SLC38A11: variants seen among roughly 807,000 people sequenced by gnomAD.
SLC38A11 encodes putative sodium-coupled neutral amino acid transporter 11.
In SLC38A11, 51 loss-of-function variants were observed where a neutral mutation model predicts 49.4. The ratio of observed to expected loss-of-function variants is 1.03; its 90% CI spans 0.83 to 1.30. The LOEUF is 1.30. SLC38A11 is among the 50% of genes most tolerant of loss of function. The pLI, the probability that SLC38A11 is intolerant of heterozygous loss-of-function variation, is 0.00. For missense variants in SLC38A11, 574 were observed against 556.2 expected (o/e 1.03, Z -0.32); for synonymous variants, 203 against 192.9 (o/e 1.05, Z -0.43).
At chr2:164,937,978 C>T (rs1409666081) in intron 6 of SLC38A11, among the ~76,000 whole-genome samples, 1 of 151,836 alleles carries the variant, frequency 6.6e-6, no homozygotes, top group Non-Finnish European at 1.5e-5. Context: ...GTTCCTAGGC[C>T]TGTTTTGCTT....
rs1188704221 is a variant in SLC38A11 at position 164,955,232 on chromosome 2, G to A, written c.16C>T (p.Gln6Ter). The part of the protein sequence containing the change: MGYQR[Q>*]EPVIPPQRDL... The stretch of plus-strand genomic sequence containing the variant: ...ACCTGCGGCGGGATGACAGGCTCCT[G>A]CCTCTGGTAGCCCATGGCTGAGCGG... The change falls in exon 1 of 12, where the codon CAG (glutamine) becomes TAG (stop). Residue 6 changes from glutamine (Q) to a stop codon, truncating the protein, a stop_gained. Coordinates refer to ENST00000685975, the MANE Select transcript of SLC38A11 (RefSeq NM_001351537.2). LOFTEE classifies it high-confidence loss of function. 3.2e-6 allele frequency: 5 copies of A among 1,550,438 alleles called. No homozygotes were observed. In the Admixed American group the frequency reaches 9.8e-5, roughly 30 times the overall value.
intron 7 of SLC38A11, among the ~76,000 whole-genome samples, chr2:164,929,425 A>G (rs1429305911): frequency 1.3e-5 from 2 of 152,162 alleles, no homozygotes; most frequent in African/African-American, 4.8e-5. Flanking sequence ...TAATCATCAT[A>G]CATCTTTGTT....
At chr2:164,949,793 T>C (rs1422589989) in intron 3 of SLC38A11, 1 of 152,216 alleles carries the variant, frequency 6.6e-6, no homozygotes, top group East Asian at 1.9e-4. Flanking sequence ...TTCTCCATGA[T>C]GGCTGAGAAC....
At chr2:164,901,478 C>A (rs1206896708) in intron 11 of SLC38A11, among the ~76,000 whole-genome samples, 2 of 151,858 alleles carry the variant, frequency 1.3e-5, no homozygotes, top group Admixed American at 1.3e-4. Flanking sequence ...AATTTTTCAC[C>A]TCTTTGGTTA....
intron 5 of SLC38A11, among the ~76,000 whole-genome samples, chr2:164,940,765 T>A (rs1280278025): frequency 6.6e-6 from 1 of 150,754 alleles, no homozygotes; most frequent in Non-Finnish European, 1.5e-5. Flanking sequence ...TATATATGTG[T>A]ATGTGTGTGT....
chr2:164,894,977 G>A lies in SLC38A11; in HGVS notation c.*3460C>T, dbSNP rs995276165. Among the ~76,000 whole-genome samples, 15 of 151,956 alleles carry A rather than the reference G, an allele frequency of 9.9e-5. No homozygotes were observed. Among genetic ancestry groups the A allele is most frequent in the African/African-American group, 3.6e-4 (15 of 41,364 alleles). Reference sequence around the variant, plus strand: ...GTCCAACTTCCAGCCTTTTTCAAACGTGGTCCCTGAACCAGCAGCAGCAGC... The same window carrying A: ...GTCCAACTTCCAGCCTTTTTCAAACATGGTCCCTGAACCAGCAGCAGCAGC... On this transcript the variant is annotated 3_prime_UTR_variant, in exon 12 of 12. Coordinates refer to ENST00000685975, the MANE Select transcript of SLC38A11 (RefSeq NM_001351537.2).
intron 3 of SLC38A11, 84 bp downstream of exon 3, chr2:164,952,623 G>A: frequency 1.1e-6 from 1 of 875,158 alleles, no homozygotes; most frequent in Non-Finnish European, 1.9e-6. Flanking sequence ...AAATTCAGTT[G>A]CAGCATGTGT....
At chr2:164,935,584 T>C (rs917958790) in intron 7 of SLC38A11, among the ~76,000 whole-genome samples, 1 of 151,182 alleles carries the variant, frequency 6.6e-6, no homozygotes, top group Non-Finnish European at 1.5e-5. Flanking sequence ...CACAGGAGGA[T>C]GAGGCAGGAG....
At chr2:164,905,899 T>A (rs1684970514) in intron 11 of SLC38A11, among the ~76,000 whole-genome samples, 1 of 152,188 alleles carries the variant, frequency 6.6e-6, no homozygotes, top group Non-Finnish European at 1.5e-5. Flanking sequence ...GATTATTCTT[T>A]AATACCAGAA....
intron 7 of SLC38A11, among the ~76,000 whole-genome samples, chr2:164,926,937 C>A (rs74169442): frequency 0.074 from 11,184 of 150,584 alleles, 459 homozygotes; most frequent in Admixed American, 0.1. Context: ...GGGTGCAGCA[C>A]ACCAACATGG....
chr2:164,918,568 T>G (rs1685960891), intron 7 of SLC38A11, among the ~76,000 whole-genome samples: 1 of 152,150 alleles, frequency 6.6e-6, no homozygotes, highest in African/African-American at 2.4e-5. Flanking sequence ...ACTTAAGGGA[T>G]GAAACCAGAT....
chr2:164,943,125 T>C (rs1687891518), intron 5 of SLC38A11, among the ~76,000 whole-genome samples: 1 of 152,220 alleles, frequency 6.6e-6, no homozygotes, highest in Non-Finnish European at 1.5e-5. Flanking sequence ...TCAACTGTAA[T>C]AGCAACCATA....
At chr2:164,943,980 C>G (rs1687947275) in intron 5 of SLC38A11, among the ~76,000 whole-genome samples, 1 of 152,086 alleles carries the variant, frequency 6.6e-6, no homozygotes, top group Non-Finnish European at 1.5e-5. Flanking sequence ...CCTCAGCCTC[C>G]CAAGTAGCTG....
At chr2:164,922,416 C>G (rs1391247868) in intron 7 of SLC38A11, 1 of 152,304 alleles carries the variant, frequency 6.6e-6, no homozygotes, top group Non-Finnish European at 1.5e-5. Context: ...CCTCTTCCCC[C>G]AGCTCCTGCA....
intron 3 of SLC38A11, among the ~76,000 whole-genome samples, chr2:164,950,318 T>C (rs1688437601): frequency 6.6e-6 from 1 of 152,174 alleles, no homozygotes; most frequent in African/African-American, 2.4e-5. Context: ...AGGCAACCAA[T>C]TTCAGAGATG....
chr2:164,947,117 CTTTTTTTTTTTTTTTTTT>C (rs200284770), intron 3 of SLC38A11, among the ~76,000 whole-genome samples: 8 of 72,910 alleles, frequency 1.1e-4, no homozygotes, highest in Non-Finnish European at 1.7e-4. Flanking sequence ...TTTTTTATCT[CTTTTTTTTTTTTTTTTTT>C]TTTTTTTTTT....
intron 9 of SLC38A11, among the ~76,000 whole-genome samples, chr2:164,914,554 G>A (rs1476061555): frequency 6.6e-6 from 1 of 151,708 alleles, no homozygotes; most frequent in Non-Finnish European, 1.5e-5. Context: ...AAAGTACCGG[G>A]AAATTTTTTT....
Position 164,955,346 on chromosome 2 carries a change from G to A in SLC38A11, c.-99C>T. On this transcript the variant is annotated 5_prime_UTR_variant, in exon 1 of 12. Transcript: ENST00000685975. ...GCCACCTCGCACACAGCCGAGGTCCGCGTGTAGCCGCAGAGCTGCAGGGAG... is the reference window on the plus strand; with the variant it reads ...GCCACCTCGCACACAGCCGAGGTCCACGTGTAGCCGCAGAGCTGCAGGGAG... The A allele has an allele frequency of 2.5e-6, 3 of 1,182,088 alleles. No homozygotes were observed. The highest frequency in any genetic ancestry group is 3.7e-6 in the Non-Finnish European group (3 of 816,188). 73.2% of individuals were successfully genotyped at this position (1,182,088 alleles called of 1,614,324 possible).
rs146915270 is a variant in SLC38A11 at position 164,934,316 on chromosome 2, A to G, written c.617+3034T>C. Among the ~76,000 whole-genome samples the G allele has an allele frequency of 3.1e-3, 470 of 152,302 alleles. 1 individual carries two copies. The highest frequency in any genetic ancestry group is 0.011 in the African/African-American group (445 of 41,570). On this transcript the variant is annotated intron_variant, in intron 7 of 11. Coordinates refer to ENST00000685975, the MANE Select transcript of SLC38A11 (RefSeq NM_001351537.2). ...GAAAAATGATCACAAAACAGTAACT[A>G]AAATAACACAAAATCTCTGGTTTAA...
Sources: gnomAD v4.1 joint callset for allele counts (sites outside exome capture counted in the v4.1 genomes callset) on GRCh38, gnomAD v4.1.1 for gene constraint, MANE v1.5 for transcripts, NCBI Gene and HGNC (gene_info 2026-07-23, HGNC 2026-07-21) for gene names.